The following SPOCK3 variants were observed in gnomAD, a reference collection of about 807,000 sequenced individuals.
SPOCK3 encodes testican-3.
A neutral mutation model predicts 56.6 loss-of-function variants in SPOCK3; 30 were observed. The observed-to-expected ratio is 0.53, with a 90% CI of 0.40 to 0.72. SPOCK3 has a LOEUF of 0.72. SPOCK3 is among the 30% of genes least tolerant of loss of function. The pLI is 0.00. For missense variants in SPOCK3, 527 were observed against 530.0 expected, an observed-to-expected ratio of 0.99 and a Z score of 0.06; for synonymous variants, 196 against 183.3, an observed-to-expected ratio of 1.07 and a Z score of -0.56.
intron 7 of SPOCK3, among the ~76,000 whole-genome samples, chr4:166,766,115 C>T (rs991593021): frequency 6.6e-6 from 1 of 152,150 alleles, no homozygotes; most frequent in African/African-American, 2.4e-5. Context: ...TCTAAATATA[C>T]AATCATGTCA....
chr4:167,170,097 G>C (rs903069190), intron 2 of SPOCK3, among the ~76,000 whole-genome samples: 1 of 152,076 alleles, frequency 6.6e-6, no homozygotes, highest in African/African-American at 2.4e-5. Context: ...AATACAAACA[G>C]TATATTTAAT....
At chr4:167,123,026 T>A (rs1285407044) in intron 2 of SPOCK3, among the ~76,000 whole-genome samples, 1 of 151,732 alleles carries the variant, frequency 6.6e-6, no homozygotes, top group East Asian at 1.9e-4. Flanking sequence ...AAACGTCATG[T>A]CCTCAGTAAC....
intron 6 of SPOCK3, among the ~76,000 whole-genome samples, chr4:166,838,015 G>A (rs968699894): frequency 2.0e-5 from 3 of 152,062 alleles, no homozygotes; most frequent in South Asian, 2.1e-4. Context: ...TGCCCTCATC[G>A]TTTCTAATGT....
intron 2 of SPOCK3, among the ~76,000 whole-genome samples, chr4:167,086,453 G>C (rs766466294): frequency 1.5e-4 from 23 of 152,070 alleles, no homozygotes; most frequent in Non-Finnish European, 2.9e-4. Context: ...TACCTAAGAA[G>C]TAGACTAAAA....
At chr4:166,883,647 T>C (rs1158732325) in intron 6 of SPOCK3, among the ~76,000 whole-genome samples, 2 of 152,180 alleles carry the variant, frequency 1.3e-5, no homozygotes, top group African/African-American at 4.8e-5. Context: ...TTGTACTTTA[T>C]TGCTGGACCC....
At chr4:167,155,060 A>G (rs1254957073) in intron 2 of SPOCK3, among the ~76,000 whole-genome samples, 2 of 152,226 alleles carry the variant, frequency 1.3e-5, no homozygotes, top group African/African-American at 2.4e-5. Flanking sequence ...AGGAAGTTAT[A>G]TAGTATATCT....
intron 4 of SPOCK3, among the ~76,000 whole-genome samples, chr4:166,998,825 G>T (rs1748659723): frequency 6.6e-6 from 1 of 152,064 alleles, no homozygotes; most frequent in African/African-American, 2.4e-5. Flanking sequence ...TTAGGTGAGA[G>T]ATCATATATG....
At chr4:166,751,622 G>C (rs1447946952) in intron 8 of SPOCK3, among the ~76,000 whole-genome samples, 3 of 151,952 alleles carry the variant, frequency 2.0e-5, no homozygotes, top group Admixed American at 2.0e-4. Flanking sequence ...ACTTTCACAG[G>C]GCTATTTCAG....
intron 3 of SPOCK3, among the ~76,000 whole-genome samples, chr4:167,029,704 T>G (rs1295524341): frequency 6.6e-6 from 1 of 152,066 alleles, no homozygotes; most frequent in African/African-American, 2.4e-5. Context: ...ATGTTTATGA[T>G]TTTTCTTTAT....
intron 3 of SPOCK3, among the ~76,000 whole-genome samples, chr4:167,055,946 G>A (rs954955902): frequency 2.0e-5 from 3 of 152,186 alleles, no homozygotes; most frequent in Admixed American, 2.0e-4. Flanking sequence ...TTTGAAGAGA[G>A]CAGTGGTTCT....
intron 2 of SPOCK3, among the ~76,000 whole-genome samples, chr4:167,165,429 T>G (rs1765676161): frequency 6.6e-6 from 1 of 152,050 alleles, no homozygotes; most frequent in Admixed American, 6.6e-5. Context: ...AAATAAGACA[T>G]TTATGCAGCC....
intron 2 of SPOCK3, among the ~76,000 whole-genome samples, chr4:167,184,137 T>C (rs1280255226): frequency 6.6e-6 from 1 of 152,206 alleles, no homozygotes; most frequent in African/African-American, 2.4e-5. Context: ...GAGGCTTCAA[T>C]ATTGAGGGAC....
At chr4:166,972,573 T>C (rs1018059521) in intron 4 of SPOCK3, among the ~76,000 whole-genome samples, 7 of 151,036 alleles carry the variant, frequency 4.6e-5, no homozygotes, top group African/African-American at 1.7e-4. Flanking sequence ...TAAAACACAT[T>C]AAAATGAAAA....
chr4:166,891,843 G>A (rs1444899700), intron 5 of SPOCK3, among the ~76,000 whole-genome samples: 1 of 151,870 alleles, frequency 6.6e-6, no homozygotes, highest in African/African-American at 2.4e-5. Context: ...AGTGGTATAG[G>A]AGCAGACAAA....
intron 2 of SPOCK3, among the ~76,000 whole-genome samples, chr4:167,085,755 T>C (rs1454770275): frequency 3.1e-4 from 47 of 152,122 alleles, no homozygotes; most frequent in Non-Finnish European, 2.9e-5. Context: ...TATAAGGCCC[T>C]GTACAGATGG....
intron 2 of SPOCK3, among the ~76,000 whole-genome samples, chr4:167,116,679 A>ACACG (rs1761408450): frequency 1.1e-5 from 1 of 92,436 alleles, no homozygotes; most frequent in Non-Finnish European, 2.3e-5. Flanking sequence ...GTATATATGT[A>ACACG]TATATACACA....
Position 167,202,301 on chromosome 4 carries a change from A to T in SPOCK3, c.189+31684T>A, listed in dbSNP as rs141372349. ...GCAATCTATTATTTATGCAAATCAC[A>T]TAGGAATTTTGATTAAAGTAGTATA... On this transcript the variant is annotated intron_variant, in intron 2 of 10. Coordinates refer to ENST00000357545, the MANE Select transcript of SPOCK3 (RefSeq NM_001040159.2). Among the ~76,000 whole-genome samples, 1,303 of 152,152 alleles carry T rather than the reference A, an allele frequency of 8.6e-3. 16 individuals are homozygous for T. Among genetic ancestry groups the T allele is most frequent in the African/African-American group, 0.025 (1,048 of 41,564 alleles).
intron 4 of SPOCK3, among the ~76,000 whole-genome samples, chr4:166,960,095 G>A (rs998154179): frequency 1.3e-5 from 2 of 152,058 alleles, no homozygotes; most frequent in African/African-American, 2.4e-5. Flanking sequence ...ATTACTCATT[G>A]TAAAAACATT....
intron 5 of SPOCK3, among the ~76,000 whole-genome samples, chr4:166,895,489 G>A (rs1303125510): frequency 1.3e-5 from 2 of 151,654 alleles, no homozygotes; most frequent in Non-Finnish European, 2.9e-5. Context: ...AGAAGGTTAA[G>A]TTTAGCTAAC....
Sources: gnomAD v4.1 joint callset for allele counts (sites outside exome capture counted in the v4.1 genomes callset) on GRCh38, gnomAD v4.1.1 for gene constraint, MANE v1.5 for transcripts, NCBI Gene and HGNC (gene_info 2026-07-23, HGNC 2026-07-21) for gene names.